RTN2: variants seen among roughly 807,000 people sequenced by gnomAD.
RTN2 encodes the protein reticulon 2, also known as reticulon-2.
A neutral mutation model predicts 63.7 loss-of-function variants in RTN2; 36 were observed. The observed-to-expected ratio is 0.56, with a 90% CI of 0.43 to 0.75. RTN2 has a LOEUF of 0.75. Ranked by LOEUF, RTN2 falls within the 30% of genes least tolerant of loss-of-function variation. The pLI is 0.00. For synonymous variants in RTN2, 312 were observed against 313.0 expected (o/e 1.00, Z 0.03); for missense variants, 673 against 705.1 (o/e 0.95, Z 0.52).
Position 45,496,995 on chromosome 19 carries a change from C to CGCCGCCGCCG in RTN2, c.-171_-170insCGGCGGCGGC. The CGCCGCCGCCG allele has an allele frequency of 3.0e-5, 9 of 304,032 alleles. No homozygotes were observed. Among genetic ancestry groups the CGCCGCCGCCG allele is most frequent in the Non-Finnish European group, 4.6e-5 (8 of 174,980 alleles). The allele number at this position is 304,032 out of a possible 1,614,324, so 18.8% of individuals were successfully genotyped here. A position where few individuals can be genotyped will look rare whatever the true frequency, so the allele number is the denominator to read the frequency against. ...CCGCCGCCGCCGCCGCCGCCGCCGC[C>CGCCGCCGCCG]CTGGTGCTCGGCTCGGCGGGGGCGG... On this transcript the variant is annotated 5_prime_UTR_variant, in exon 1 of 11. Transcript: ENST00000245923.
At chr19:45,489,305 G>A (rs748945582) in intron 6 of RTN2, 41 bp downstream of exon 6, 1 of 1,529,520 alleles carries the variant, frequency 6.5e-7, no homozygotes, top group Non-Finnish European at 8.8e-7. Flanking sequence ...CATGCTTTAG[G>A]GTCAGGACAG....
chr19:45,496,751 C>T, intron 1 of RTN2, 41 bp downstream of exon 1: 1 of 1,422,402 alleles, frequency 7.0e-7, no homozygotes, highest in Non-Finnish European at 9.4e-7. Context: ...CCCACCTGAA[C>T]CTCTGGGGCC....
At position 45,485,495 on chromosome 19, in the gene RTN2, G is replaced by A. The variant is rs1027922832; in HGVS notation, c.*213C>T. 4 of 569,408 alleles carry A rather than the reference G, an allele frequency of 7.0e-6. No individual in the cohort carries two copies. The highest frequency in any genetic ancestry group is 4.3e-5 in the South Asian group (2 of 46,038). 35.3% of individuals were successfully genotyped at this position (569,408 alleles called of 1,614,324 possible). On this transcript the variant is annotated 3_prime_UTR_variant, in exon 11 of 11. Coordinates refer to ENST00000245923, the MANE Select transcript of RTN2 (RefSeq NM_005619.5). The stretch of plus-strand genomic sequence containing the variant: ...GCAGGCCCCGCGGCCAAGGTGCCTC[G>A]TCTTTCCTGGACTCCTGGAGCAGAG...
In RTN2 at chr19:45,485,796, G is replaced by C. The variant is rs952239035; in HGVS notation, c.1557-7C>G. 6 of 1,612,258 alleles carry C rather than the reference G, an allele frequency of 3.7e-6. No individual in the cohort carries two copies. The highest frequency in any genetic ancestry group is 5.1e-6 in the Non-Finnish European group (6 of 1,178,350). ...TGGGATTTTAGCTCGGATCCTGAAG[G>C]AGAAACAGGTGGGATCACGAGGTGG... On this transcript the variant is annotated splice_region_variant and splice_polypyrimidine_tract_variant and intron_variant, in intron 10 of 10. Coordinates refer to ENST00000245923, the MANE Select transcript of RTN2 (RefSeq NM_005619.5).
At chr19:45,491,890 A>T (rs1968169264) in intron 5 of RTN2, among the ~76,000 whole-genome samples, 1 of 151,922 alleles carries the variant, frequency 6.6e-6, no homozygotes, top group African/African-American at 2.4e-5. Flanking sequence ...CGGCCTCCCA[A>T]AGTGTTGGGA....
chr19:45,487,647 A>G (rs1968056516), intron 9 of RTN2, among the ~76,000 whole-genome samples: 1 of 132,720 alleles, frequency 7.5e-6, no homozygotes, highest in Non-Finnish European at 1.5e-5. Context: ...ATGCAGTAGC[A>G]TTTAACTGAC....
chr19:45,485,760 G>C lies in RTN2; in HGVS notation c.1586C>G (p.Ala529Gly), dbSNP rs759659288. The change falls in exon 11 of 11, where the codon GCC becomes GGC. Residue 529 changes from alanine to glycine, a missense_variant. Ala to Gly is a moderately conservative substitution (Grantham distance 60, BLOSUM62 0). Transcript: ENST00000245923. Reference protein sequence around the residue: ...KIRAKIPGTGALASAAAAVSG... With the variant: ...KIRAKIPGTGGLASAAAAVSG... ...GACTGCGGCTGCTGCAGAGGCCAGG[G>C]CTCCGGTCCCTGGGATTTTAGCTCG... 1 of 1,613,930 alleles carries C rather than the reference G, an allele frequency of 6.2e-7. No individual in the cohort carries two copies. Among genetic ancestry groups the C allele is most frequent in the Admixed American group, 1.7e-5 (1 of 59,994 alleles).
chr19:45,485,869 T>G (rs1599903627), intron 10 of RTN2, 80 bp from the exon 11 acceptor site: 1 of 1,316,506 alleles, frequency 7.6e-7, no homozygotes, highest in Non-Finnish European at 1.1e-6. Context: ...GAAAGCTGGG[T>G]GGGAAACTGA....
rs769517671 is a variant in RTN2, at chr19:45,494,443, C to A, written c.560-23G>T. 3 of 1,604,998 alleles carry A rather than the reference C, an allele frequency of 1.9e-6. No homozygotes were observed. The highest frequency in any genetic ancestry group is 2.6e-6 in the Non-Finnish European group (3 of 1,173,734). ...GTTCTGATACGGTAGAGAGAGGAGG[C>A]CGTGAGCTTTCTTCTTGGAGGTGCC... On this transcript the variant is annotated intron_variant, in intron 3 of 10. Transcript: ENST00000245923. This position sits in a 1 kb window ranked among gnomAD's most constrained non-coding sequence, Gnocchi z 5.3.
chr19:45,496,111 A>T (rs1968263164), intron 1 of RTN2, among the ~76,000 whole-genome samples: 1 of 152,090 alleles, frequency 6.6e-6, no homozygotes, highest in Non-Finnish European at 1.5e-5. Context: ...CTGGGAATCC[A>T]GCCCCTTAGA....
rs777253658 is a variant in RTN2, at chr19:45,489,525, C to T, written c.1062G>A (p.Thr354=). The change falls in exon 6 of 11, where the codon ACG becomes ACA. Residue 354 remains threonine, a synonymous_variant. Coordinates refer to ENST00000245923, the MANE Select transcript of RTN2 (RefSeq NM_005619.5). ...CTGTGAAGACCACTCCTGACGTCCT[C>T]GTGTCCTTCCAGTACAGCAGGTCCG... ...KVADLLYWKD[T]RTSGVVFTGL... 21 of 1,607,114 alleles carry T rather than the reference C, an allele frequency of 1.3e-5. No individual in the cohort carries two copies. The highest frequency in any genetic ancestry group is 1.7e-5 in the Non-Finnish European group (20 of 1,176,938).
Position 45,496,962 on chromosome 19 carries a change from AGCCGCCGCCGCCGCCGCCGCC to A in RTN2, c.-158_-138del, listed in dbSNP as rs3038807. On this transcript the variant is annotated 5_prime_UTR_variant, in exon 1 of 11. Coordinates refer to ENST00000245923, the MANE Select transcript of RTN2 (RefSeq NM_005619.5). ...CCGCCTCCTCCTCCCGGGCTGCTCC[AGCCGCCGCCGCCGCCGCCGCC>A]GCCGCCGCCGCCCTGGTGCTCGGCT... 4 of 336,492 alleles carry A rather than the reference AGCCGCCGCCGCCGCCGCCGCC, an allele frequency of 1.2e-5. No individual in the cohort carries two copies. Among genetic ancestry groups the A allele is most frequent in the South Asian group, 1.2e-4 (1 of 8,310 alleles). 20.8% of individuals were successfully genotyped at this position (336,492 alleles called of 1,614,324 possible).
At chr19:45,489,674 TC>T in intron 5 of RTN2, 121 bp from the exon 6 acceptor site, 3 of 626,312 alleles carry the variant, frequency 4.8e-6, no homozygotes, top group Non-Finnish European at 8.0e-6. Flanking sequence ...TAACCTGATT[TC>T]CTTTTTTTTT....
intron 5 of RTN2, 121 bp downstream of exon 5, chr19:45,493,039 G>C: frequency 9.6e-7 from 1 of 1,039,726 alleles, no homozygotes; most frequent in African/African-American, 1.6e-5. Context: ...CCTAGCCCCA[G>C]CCTGCAGCGC....
chr19:45,488,660 T>C lies in RTN2; in HGVS notation c.1427A>G (p.Asn476Ser), dbSNP rs1253915701. Reference sequence around the variant, plus strand: ...ACCCAGAATGAGAAGAGTCAAACCATTGAAGATGGCACCCACGAAGGTCAA... The same window carrying C: ...ACCCAGAATGAGAAGAGTCAAACCACTGAAGATGGCACCCACGAAGGTCAA... ...YILTFVGAIF[N>S]GLTLLILGVI... The change falls in exon 8 of 11, where the codon AAT (asparagine) becomes AGT (serine). Residue 476 changes from asparagine (N) to serine (S), a missense_variant. Coordinates refer to ENST00000245923, the MANE Select transcript of RTN2 (RefSeq NM_005619.5). The C allele has an allele frequency of 1.2e-5, 19 of 1,613,932 alleles. No homozygotes were observed. The highest frequency in any genetic ancestry group is 4.5e-5 in the East Asian group (2 of 44,880).
chr19:45,489,855 G>C (rs1968116453), intron 5 of RTN2, among the ~76,000 whole-genome samples: 1 of 151,214 alleles, frequency 6.6e-6, no homozygotes, highest in African/African-American at 2.4e-5. Context: ...TTTTGTTTTT[G>C]TTTCTGTTTT....
Position 45,496,959 on chromosome 19 carries a change from T to A in RTN2, c.-134A>T. 2.4e-6 allele frequency: 1 copy of A among 421,040 alleles called. No individual in the cohort carries two copies. Among genetic ancestry groups the A allele is most frequent in the Non-Finnish European group, 3.7e-6 (1 of 269,454 alleles). The allele number at this position is 421,040 out of a possible 1,614,324, so 26.1% of individuals were successfully genotyped here. On this transcript the variant is annotated 5_prime_UTR_variant, in exon 1 of 11. Coordinates refer to ENST00000245923, the MANE Select transcript of RTN2 (RefSeq NM_005619.5). ...TCGCCGCCTCCTCCTCCCGGGCTGC[T>A]CCAGCCGCCGCCGCCGCCGCCGCCG...
chr19:45,488,549 T>C (rs1293862472), intron 8 of RTN2, 32 bp from the exon 9 acceptor site: 1 of 1,613,764 alleles, frequency 6.2e-7, no homozygotes, highest in Admixed American at 1.7e-5. Context: ...CGTCAGGGTG[T>C]TCCCAAGAGA....
chr19:45,496,717 C>A, intron 1 of RTN2, 75 bp downstream of exon 1: 2 of 1,045,704 alleles, frequency 1.9e-6, no homozygotes, highest in South Asian at 2.1e-5. Context: ...TGCGGGCAAG[C>A]GCCGAGGGGA....
Sources: gnomAD v4.1 joint callset for allele counts (sites outside exome capture counted in the v4.1 genomes callset) on GRCh38, gnomAD v4.1.1 for gene constraint, Gnocchi (gnomAD v3.1) non-coding constraint, MANE v1.5 for transcripts, NCBI Gene and HGNC (gene_info 2026-07-23, HGNC 2026-07-21) for gene names.